SYBU: variants seen among roughly 807,000 people sequenced by gnomAD.
The protein encoded by SYBU is syntabulin, also known as GOLSYN A protein.
SYBU carries 21 observed loss-of-function variants against 35.9 expected under a neutral mutation model. The observed-to-expected ratio is 0.58, with a 90% confidence interval of 0.41 to 0.84. The LOEUF (loss-of-function observed/expected upper bound fraction) is 0.84. Ranked by LOEUF, SYBU falls within the 40% of genes least tolerant of loss-of-function variation. The pLI, the probability that SYBU is intolerant of heterozygous loss-of-function variation, is 0.00. For synonymous variants in SYBU, 319 were observed against 324.3 expected, an observed-to-expected ratio of 0.98 and a Z score of 0.18; for missense variants, 768 against 848.2, an observed-to-expected ratio of 0.91 and a Z score of 1.17.
intron 2 of SYBU, among the ~76,000 whole-genome samples, chr8:109,627,766 A>G (rs981854454): frequency 1.3e-5 from 2 of 152,264 alleles, no homozygotes; most frequent in Non-Finnish European, 2.9e-5. Flanking sequence ...AAGCCATCCC[A>G]TAATAAACAG....
At position 109,691,415 on chromosome 8, in the gene SYBU, C is replaced by T. The variant is rs1490074272; in HGVS notation, c.-140G>A. 19 of 681,382 alleles carry T rather than the reference C, an allele frequency of 2.8e-5. 1 individual carries two copies. The highest frequency in any genetic ancestry group is 2.6e-4 in the South Asian group (17 of 65,804). 42.2% of individuals were successfully genotyped at this position (681,382 alleles called of 1,614,324 possible). ...CCGGGAGACCGGGCCCCGGCTGGGC[C>T]GGGTGCCGGTGCGGACGGGACCCCG... On this transcript the variant is annotated 5_prime_UTR_variant, in exon 1 of 8. Coordinates refer to the SYBU transcript ENST00000422135. The surrounding 1 kb of genome is among the most constrained non-coding windows in gnomAD (Gnocchi z 4.7).
Position 109,644,738 on chromosome 8 carries a change from A to G in SYBU, c.-79T>C, listed in dbSNP as rs1425911683. On this transcript the variant is annotated 5_prime_UTR_variant, in exon 1 of 7. Transcript: ENST00000276646. ...GCACCTGCGAGCACGGAGCGAGGAG[A>G]CTGCGCTGAGCCGGCGCGGGCTGCG... The G allele has an allele frequency of 7.4e-6, 10 of 1,351,056 alleles. No individual in the cohort carries two copies. The highest frequency in any genetic ancestry group is 9.5e-6 in the Non-Finnish European group (10 of 1,048,238). 83.7% of individuals were successfully genotyped at this position (1,351,056 alleles called of 1,614,324 possible). A position where few individuals can be genotyped will look rare whatever the true frequency, so the allele number is the denominator to read the frequency against.
chr8:109,633,246 C>G (rs1314912051), intron 2 of SYBU, among the ~76,000 whole-genome samples: 2 of 152,144 alleles, frequency 1.3e-5, no homozygotes, highest in Non-Finnish European at 2.9e-5. Flanking sequence ...CTTAAGAATT[C>G]TGAGAGTCAC....
chr8:109,681,288 T>A (rs1458128303), upstream of SYBU, among the ~76,000 whole-genome samples: 1 of 152,158 alleles, frequency 6.6e-6, no homozygotes. Flanking sequence ...GAGAAAGAAA[T>A]ACCTTAGGGG....
At chr8:109,631,996 G>A (rs1468542512) in intron 2 of SYBU, among the ~76,000 whole-genome samples, 1 of 151,956 alleles carries the variant, frequency 6.6e-6, no homozygotes, top group Non-Finnish European at 1.5e-5. Flanking sequence ...GAACTAAAAA[G>A]ACAAGAAGGG....
At chr8:109,645,639 T>G (rs541820648), upstream of SYBU, 32 of 285,682 alleles carry the variant, frequency 1.1e-4, 1 homozygote, top group East Asian at 2.4e-3. Flanking sequence ...TTTTGTTTTT[T>G]TTTTTTTCCG....
chr8:109,660,479 G>A (rs1816520847), intron 1 of SYBU, among the ~76,000 whole-genome samples: 1 of 151,942 alleles, frequency 6.6e-6, no homozygotes, highest in African/African-American at 2.4e-5. Context: ...TATTTTCTGT[G>A]GCTCACATGA....
intron 1 of SYBU, among the ~76,000 whole-genome samples, chr8:109,674,576 A>G (rs2130771620): frequency 6.6e-6 from 1 of 152,324 alleles, no homozygotes; most frequent in East Asian, 1.9e-4. Flanking sequence ...CCACTATAAA[A>G]ACATACCAAA....
intron 1 of SYBU, chr8:109,680,682 A>G (rs1408636337): frequency 1.3e-5 from 2 of 152,176 alleles, no homozygotes; most frequent in Non-Finnish European, 2.9e-5. Flanking sequence ...AAACAAATAT[A>G]CCTCCCTTAC....
intron 4 of SYBU, among the ~76,000 whole-genome samples, chr8:109,582,487 C>T (rs1381700233): frequency 3.3e-5 from 5 of 152,156 alleles, no homozygotes; most frequent in Admixed American, 3.3e-4. Context: ...AAGAAAAACG[C>T]AGTCCACAAA....
At chr8:109,629,408 C>T (rs1287625283) in intron 2 of SYBU, among the ~76,000 whole-genome samples, 2 of 152,200 alleles carry the variant, frequency 1.3e-5, no homozygotes, top group African/African-American at 4.8e-5. Context: ...GAGATAAGCA[C>T]TGTTGTCATC....
intron 1 of SYBU, among the ~76,000 whole-genome samples, chr8:109,690,271 T>C (rs1188586390): frequency 6.6e-6 from 1 of 152,210 alleles, no homozygotes; most frequent in Non-Finnish European, 1.5e-5. Flanking sequence ...GCTACTGCTC[T>C]CCAAATGTAC....
At position 109,622,225 on chromosome 8, in the gene SYBU, C is replaced by CT. The variant is rs745990131; in HGVS notation, c.230-3187_230-3186insA. Among the ~76,000 whole-genome samples the CT allele has an allele frequency of 2.5e-3, 332 of 133,024 alleles. 1 individual carries two copies. The highest frequency in any genetic ancestry group is 4.2e-3 in the East Asian group (17 of 4,040). 87.3% of individuals were successfully genotyped at this position (133,024 alleles called of 152,430 possible). A position where few individuals can be genotyped will look rare whatever the true frequency, so the allele number is the denominator to read the frequency against. On this transcript the variant is annotated intron_variant, in intron 2 of 6. Transcript: ENST00000276646. ...TCTATCTATCTATCTATCTATCTATCATCTATCTATCTATCTATCTTTTTA... is the reference window on the plus strand; with the variant it reads ...TCTATCTATCTATCTATCTATCTATCTATCTATCTATCTATCTATCTTTTTA...
intron 3 of SYBU, among the ~76,000 whole-genome samples, chr8:109,590,933 G>A (rs1490005358): frequency 6.6e-6 from 1 of 152,182 alleles, no homozygotes; most frequent in African/African-American, 2.4e-5. Context: ...ATAGGCAAAA[G>A]AGTCTGATAA....
chr8:109,583,934 G>A (rs1055955487), intron 4 of SYBU, among the ~76,000 whole-genome samples: 2 of 151,582 alleles, frequency 1.3e-5, no homozygotes, highest in African/African-American at 4.8e-5. Context: ...TCAACTTTAC[G>A]AGTAGCTGGG....
intron 3 of SYBU, among the ~76,000 whole-genome samples, chr8:109,601,827 G>T (rs1387426112): frequency 6.6e-6 from 1 of 152,292 alleles, no homozygotes; most frequent in East Asian, 1.9e-4. Flanking sequence ...CAGCCAAAAA[G>T]GTGAGTTGTA....
At chr8:109,663,603 T>C (rs1816652747) in intron 1 of SYBU, among the ~76,000 whole-genome samples, 1 of 152,298 alleles carries the variant, frequency 6.6e-6, no homozygotes, top group Non-Finnish European at 1.5e-5. Flanking sequence ...GCATTTTTTA[T>C]TTCACAATGA....
chr8:109,654,106 A>C (rs1816261875), intron 1 of SYBU, among the ~76,000 whole-genome samples: 2 of 152,188 alleles, frequency 1.3e-5, no homozygotes, highest in Non-Finnish European at 2.9e-5. Context: ...TCAGCATTTA[A>C]ACATGCCAAA....
At chr8:109,607,881 T>C in intron 3 of SYBU, 1 of 1,154,740 alleles carries the variant, frequency 8.7e-7, no homozygotes, top group Non-Finnish European at 1.2e-6. Context: ...CCAATATAAT[T>C]ATTTACTTAC....
Sources: gnomAD v4.1 joint callset for allele counts (sites outside exome capture counted in the v4.1 genomes callset) on GRCh38, gnomAD v4.1.1 for gene constraint, Gnocchi (gnomAD v3.1) non-coding constraint, MANE v1.5 for transcripts, NCBI Gene and HGNC (gene_info 2026-07-23, HGNC 2026-07-21) for gene names.